KLHL1: variants seen among roughly 807,000 people sequenced by gnomAD.
The protein encoded by KLHL1 is kelch like family member 1.
KLHL1 carries 47 observed loss-of-function variants against 77.7 expected under a neutral mutation model. The observed-to-expected ratio is 0.60, with a 90% CI of 0.48 to 0.77. KLHL1 has a LOEUF of 0.77. KLHL1 is among the 30% of genes least tolerant of loss of function. The pLI, the probability that KLHL1 is intolerant of heterozygous loss-of-function variation, is 0.00. For missense variants in KLHL1, 925 were observed against 910.8 expected (o/e 1.02, Z -0.20); for synonymous variants, 360 against 325.2 (o/e 1.11, Z -1.15).
At chr13:69,930,424 C>T (rs1882963904) in intron 4 of KLHL1, among the ~76,000 whole-genome samples, 1 of 151,768 alleles carries the variant, frequency 6.6e-6, no homozygotes, top group Admixed American at 6.6e-5. Context: ...TCATTGGTCA[C>T]TTAAAAACCA....
At chr13:69,978,899 TAAAGA>T (rs1884625281) in intron 1 of KLHL1, among the ~76,000 whole-genome samples, 1 of 151,986 alleles carries the variant, frequency 6.6e-6, no homozygotes, top group African/African-American at 2.4e-5. Flanking sequence ...GGTGTACTAT[TAAAGA>T]AAAGAGTGAG....
intron 1 of KLHL1, among the ~76,000 whole-genome samples, chr13:70,105,869 T>C (rs892036968): frequency 6.6e-6 from 1 of 150,948 alleles, no homozygotes; most frequent in Non-Finnish European, 1.5e-5. Context: ...GGAAAAACCA[T>C]TGACACAATT....
At chr13:69,910,966 T>C (rs1882216633) in intron 4 of KLHL1, among the ~76,000 whole-genome samples, 1 of 152,114 alleles carries the variant, frequency 6.6e-6, no homozygotes, top group Admixed American at 6.6e-5. Flanking sequence ...TACACCTCTA[T>C]AGGCAAGAAT....
At chr13:69,906,934 A>C (rs1432564815) in intron 4 of KLHL1, among the ~76,000 whole-genome samples, 1 of 152,008 alleles carries the variant, frequency 6.6e-6, no homozygotes, top group African/African-American at 2.4e-5. Context: ...TTTTGAAATC[A>C]TCTATGCTAT....
intron 3 of KLHL1, among the ~76,000 whole-genome samples, chr13:69,941,841 G>A (rs1883374579): frequency 6.6e-6 from 1 of 151,822 alleles, no homozygotes; most frequent in South Asian, 2.1e-4. Context: ...AACACCTTAT[G>A]TGCACAAACT....
chr13:69,764,929 CTTTTTTTTTTTTTTTTTTTTTTT>C (rs71196263), intron 7 of KLHL1, among the ~76,000 whole-genome samples: 557 of 39,726 alleles, frequency 0.014, 11 homozygotes, highest in African/African-American at 0.046. Context: ...TATATCTTTG[CTTTTTTTTTTTTTTTTTTTTTTT>C]TTTTTTTTTT....
intron 3 of KLHL1, among the ~76,000 whole-genome samples, chr13:69,947,028 T>TTGTGTGTG (rs59606834): frequency 7.5e-5 from 11 of 145,900 alleles, no homozygotes; most frequent in Non-Finnish European, 1.2e-4. Context: ...TGTGTGTGTG[T>TTGTGTGTG]TGTGTGTGTG....
At chr13:69,720,412 T>C (rs189953125) in intron 8 of KLHL1, among the ~76,000 whole-genome samples, 40 of 152,212 alleles carry the variant, frequency 2.6e-4, no homozygotes, top group Non-Finnish European at 5.4e-4. Flanking sequence ...ATGGTTAGGG[T>C]GTGTCACACA....
chr13:69,939,378 T>TATATATATATATACACAC (rs1200160699), intron 4 of KLHL1, among the ~76,000 whole-genome samples: 9 of 70,806 alleles, frequency 1.3e-4, no homozygotes, highest in African/African-American at 2.5e-4. Flanking sequence ...TATATATATA[T>TATATATATATATACACAC]ACACACACAC....
At chr13:69,943,426 A>AGAGC (rs201047725) in intron 3 of KLHL1, among the ~76,000 whole-genome samples, 1,563 of 152,216 alleles carry the variant, frequency 0.01, 26 homozygotes, top group African/African-American at 0.035. Context: ...AGGAAAAAGA[A>AGAGC]GAGCAGATAC....
At chr13:70,016,827 C>A (rs572838269) in intron 1 of KLHL1, among the ~76,000 whole-genome samples, 1 of 152,056 alleles carries the variant, frequency 6.6e-6, no homozygotes, top group African/African-American at 2.4e-5. Context: ...GGAGTGAGAA[C>A]TTATGGTGGT....
intron 1 of KLHL1, among the ~76,000 whole-genome samples, chr13:70,084,460 TC>T (rs1887471199): frequency 1.0e-5 from 1 of 95,328 alleles, no homozygotes; most frequent in African/African-American, 4.4e-5. Flanking sequence ...TATTTCTTCT[TC>T]TTCTTTTTTT....
intron 1 of KLHL1, among the ~76,000 whole-genome samples, chr13:69,993,212 G>A (rs1370757001): frequency 2.6e-5 from 4 of 152,170 alleles, no homozygotes; most frequent in Non-Finnish European, 5.9e-5. Flanking sequence ...GGTTTATCAA[G>A]GGGAACTTAC....
At chr13:69,909,090 A>AAT (rs1024452823) in intron 4 of KLHL1, among the ~76,000 whole-genome samples, 4 of 149,542 alleles carry the variant, frequency 2.7e-5, no homozygotes, top group Non-Finnish European at 4.5e-5. Context: ...ATGTAAAATA[A>AAT]ATATATATAT....
chr13:70,094,310 G>A (rs945899741), intron 1 of KLHL1, among the ~76,000 whole-genome samples: 4 of 150,896 alleles, frequency 2.7e-5, no homozygotes, highest in Non-Finnish European at 4.4e-5. Flanking sequence ...GCATGACAGA[G>A]TGAGAACCCA....
rs191489181 is a variant in KLHL1 at position 69,976,908 on chromosome 13, C to T, written c.498-1106G>A. ...AAATTATTCACTGCGTATTCTTTCC[C>T]TCTCAAGGTATTTACTAGTTATTAA... On this transcript the variant is annotated intron_variant, in intron 1 of 10. Transcript: ENST00000377844. Among the ~76,000 whole-genome samples the T allele has an allele frequency of 1.1e-3, 172 of 152,142 alleles. 1 individual carries two copies. The highest frequency in any genetic ancestry group is 3.9e-3 in the African/African-American group (161 of 41,532).
At chr13:70,004,511 C>A (rs994652151) in intron 1 of KLHL1, among the ~76,000 whole-genome samples, 3 of 86,010 alleles carry the variant, frequency 3.5e-5, no homozygotes, top group Admixed American at 2.6e-4. Flanking sequence ...CTAGTTTTAT[C>A]CTGCCATCCC....
chr13:69,712,930 C>G (rs1875949040), intron 9 of KLHL1, among the ~76,000 whole-genome samples: 1 of 151,836 alleles, frequency 6.6e-6, no homozygotes, highest in Admixed American at 6.6e-5. Context: ...CCACCTTAAC[C>G]TCCAGAGTAG....
intron 7 of KLHL1, among the ~76,000 whole-genome samples, chr13:69,782,772 A>G (rs549129425): frequency 3.2e-3 from 490 of 152,292 alleles, no homozygotes; most frequent in African/African-American, 0.011. Context: ...AGTAACCTCT[A>G]CAGACTTAAA....
Sources: gnomAD v4.1 joint callset for allele counts (sites outside exome capture counted in the v4.1 genomes callset) on GRCh38, gnomAD v4.1.1 for gene constraint, MANE v1.5 for transcripts, NCBI Gene and HGNC (gene_info 2026-07-23, HGNC 2026-07-21) for gene names.